The following CTNNA2 variants were observed in gnomAD, a reference collection of about 807,000 sequenced individuals.
CTNNA2 encodes catenin alpha-2.
A neutral mutation model predicts 101.0 loss-of-function variants in CTNNA2; 42 were observed. The observed-to-expected ratio is 0.42, with a 90% confidence interval of 0.32 to 0.54. The LOEUF (loss-of-function observed/expected upper bound fraction) is 0.54, where lower values mean the gene tolerates loss of function less well. Among genes scored for constraint, CTNNA2 ranks in the 20% least tolerant of loss-of-function variants. The probability of loss-of-function intolerance (pLI) is 0.14; values close to 1 mark genes in which losing one functional copy is unlikely to be tolerated. For synonymous variants in CTNNA2, 450 were observed against 456.4 expected, an observed-to-expected ratio of 0.99 and a Z score of 0.18; for missense variants, 871 against 1,223.1, an observed-to-expected ratio of 0.71 and a Z score of 4.29.
chr2:79,911,121 C>A (rs2104330357), intron 7 of CTNNA2, among the ~76,000 whole-genome samples: 1 of 152,264 alleles, frequency 6.6e-6, no homozygotes, highest in South Asian at 2.1e-4. Flanking sequence ...TAATTTTGAT[C>A]CATGGTATTA....
At chr2:79,824,256 A>C (rs1389188357) in intron 3 of CTNNA2, among the ~76,000 whole-genome samples, 1 of 152,190 alleles carries the variant, frequency 6.6e-6, no homozygotes, top group African/African-American at 2.4e-5. Context: ...AATCACCCAG[A>C]GGCTAAACAC....
intron 9 of CTNNA2, among the ~76,000 whole-genome samples, chr2:80,491,491 C>G (rs1687059200): frequency 6.6e-6 from 1 of 152,144 alleles, no homozygotes; most frequent in Admixed American, 6.5e-5. Flanking sequence ...TCTTTAGTTA[C>G]AATCCAATGA....
intron 2 of CTNNA2, among the ~76,000 whole-genome samples, chr2:79,275,221 A>T (rs192453331): frequency 1.1e-3 from 163 of 152,184 alleles, no homozygotes; most frequent in African/African-American, 3.8e-3. Context: ...ATGACAGCAT[A>T]TAGGCTGTGC....
intron 15 of CTNNA2, among the ~76,000 whole-genome samples, chr2:80,592,172 A>C (rs1696571652): frequency 6.6e-6 from 1 of 152,156 alleles, no homozygotes; most frequent in Non-Finnish European, 1.5e-5. Context: ...AGTACAACTG[A>C]CTGTAAAATA....
intron 3 of CTNNA2, among the ~76,000 whole-genome samples, chr2:79,837,570 A>T (rs1281563015): frequency 1.3e-5 from 2 of 152,158 alleles, no homozygotes; most frequent in Admixed American, 6.5e-5. Flanking sequence ...TCAAATGAGC[A>T]TGGCAGAGGT....
At chr2:79,439,760 G>T (rs1678757469) in intron 4 of CTNNA2, among the ~76,000 whole-genome samples, 1 of 152,102 alleles carries the variant, frequency 6.6e-6, no homozygotes, top group Non-Finnish European at 1.5e-5. Context: ...TCACCTGTGA[G>T]CTTGTCAGAA....
intron 7 of CTNNA2, among the ~76,000 whole-genome samples, chr2:80,156,750 T>TG (rs1450251792): frequency 2.0e-5 from 3 of 152,226 alleles, no homozygotes. Flanking sequence ...GCATTGCTGA[T>TG]GAGGGGCACA....
intron 7 of CTNNA2, chr2:80,313,676 G>A: frequency 6.4e-7 from 1 of 1,569,702 alleles, no homozygotes; most frequent in Non-Finnish European, 8.7e-7. Flanking sequence ...AAGGGGGTAA[G>A]AAAGGAGTGT....
intron 7 of CTNNA2, among the ~76,000 whole-genome samples, chr2:80,214,923 A>G (rs922709923): frequency 3.3e-5 from 5 of 152,144 alleles, no homozygotes; most frequent in African/African-American, 1.2e-4. Context: ...GTCTTTTCTT[A>G]TAGTCCCATA....
intron 7 of CTNNA2, among the ~76,000 whole-genome samples, chr2:80,186,508 C>T (rs1349222870): frequency 2.0e-5 from 3 of 152,198 alleles, no homozygotes; most frequent in African/African-American, 2.4e-5. Flanking sequence ...AGTAGATTGT[C>T]ACGGCAGGTG....
chr2:79,730,788 C>T (rs1687148155), intron 2 of CTNNA2, among the ~76,000 whole-genome samples: 1 of 151,746 alleles, frequency 6.6e-6, no homozygotes, highest in African/African-American at 2.4e-5. Flanking sequence ...CGTACATACA[C>T]AGGACACAAA....
chr2:80,230,387 C>T (rs143181141), intron 7 of CTNNA2, among the ~76,000 whole-genome samples: 141 of 151,714 alleles, frequency 9.3e-4, no homozygotes, highest in African/African-American at 3.2e-3. Context: ...TAAGCCACTG[C>T]ACTGGTCTAT....
chr2:79,736,252 T>C (rs1019310334), intron 2 of CTNNA2, among the ~76,000 whole-genome samples: 45 of 152,356 alleles, frequency 3.0e-4, no homozygotes, highest in African/African-American at 1.0e-3. Flanking sequence ...GGAAATAACT[T>C]CTAATAGAGT....
chr2:80,638,752 G>A lies in CTNNA2; in HGVS notation c.2575-8833G>A, dbSNP rs191876931. Among the ~76,000 whole-genome samples the A allele has an allele frequency of 3.3e-5, 5 of 152,322 alleles. No individual in the cohort carries two copies. The East Asian group carries it at 9.6e-4, about 29-fold the overall frequency. On this transcript the variant is annotated intron_variant, in intron 18 of 18. Transcript: ENST00000402739. ...TACCCATAATTGAAAAAATGCAAAT[G>A]AAGACAGTTAATCAGTGGACTGGCC...
intron 3 of CTNNA2, among the ~76,000 whole-genome samples, chr2:79,767,635 A>T (rs1673259992): frequency 6.6e-6 from 1 of 152,034 alleles, no homozygotes; most frequent in Non-Finnish European, 1.5e-5. Flanking sequence ...CAAGATTCAG[A>T]AGAATTTTCT....
chr2:79,492,794 A>C (rs1671217403), intron 4 of CTNNA2, among the ~76,000 whole-genome samples: 1 of 152,212 alleles, frequency 6.6e-6, no homozygotes, highest in Admixed American at 6.5e-5. Flanking sequence ...AGACCAACAT[A>C]GATGCAAAAA....
At chr2:79,275,623 T>C (rs551036512) in intron 2 of CTNNA2, among the ~76,000 whole-genome samples, 15 of 151,942 alleles carry the variant, frequency 9.9e-5, no homozygotes, top group Non-Finnish European at 1.9e-4. Context: ...TATTTTAATA[T>C]TATGATGTTA....
intron 12 of CTNNA2, among the ~76,000 whole-genome samples, chr2:80,572,343 T>C (rs1573317497): frequency 6.6e-6 from 1 of 152,190 alleles, no homozygotes; most frequent in Non-Finnish European, 1.5e-5. Context: ...TTTTTCCGTA[T>C]TGATTTGTGG....
At chr2:79,928,387 T>C (rs986398699) in intron 7 of CTNNA2, among the ~76,000 whole-genome samples, 10 of 152,280 alleles carry the variant, frequency 6.6e-5, no homozygotes, top group Admixed American at 4.6e-4. Flanking sequence ...CAGGAAAAAA[T>C]TGAATAAGTG....
Sources: gnomAD v4.1 joint callset for allele counts (sites outside exome capture counted in the v4.1 genomes callset) on GRCh38, gnomAD v4.1.1 for gene constraint, MANE v1.5 for transcripts, NCBI Gene and HGNC (gene_info 2026-07-23, HGNC 2026-07-21) for gene names.